The following SCN7A variants were observed in gnomAD, a reference collection of about 807,000 sequenced individuals.
The protein encoded by SCN7A is sodium channel protein type 7 subunit alpha.
Under a neutral mutation model 155.2 loss-of-function variants are expected in SCN7A, and 138 were observed. The observed-to-expected ratio is 0.89, with a 90% CI of 0.77 to 1.02. SCN7A has a LOEUF of 1.02. Ranked by LOEUF, SCN7A falls within the 50% of genes least tolerant of loss-of-function variation. The probability of loss-of-function intolerance (pLI) is 0.00; values close to 1 mark genes in which losing one functional copy is unlikely to be tolerated. For missense variants in SCN7A, 2,058 were observed against 1,986.6 expected, an observed-to-expected ratio of 1.04 and a Z score of -0.68; for synonymous variants, 693 against 649.0, an observed-to-expected ratio of 1.07 and a Z score of -1.03.
intron 1 of SCN7A, among the ~76,000 whole-genome samples, chr2:166,492,213 G>A (rs80276713): frequency 0.01 from 1,568 of 152,170 alleles, 31 homozygotes; most frequent in African/African-American, 0.037. Context: ...CAACGGTCGT[G>A]TGCCATCTGG....
intron 2 of SCN7A, among the ~76,000 whole-genome samples, chr2:166,484,458 C>A (rs1703002076): frequency 6.7e-6 from 1 of 150,014 alleles, no homozygotes; most frequent in Non-Finnish European, 1.5e-5. Context: ...ATAGCTGAAA[C>A]TCAGAGAAAT....
intron 19 of SCN7A, among the ~76,000 whole-genome samples, chr2:166,421,720 A>G (rs1701515529): frequency 6.6e-6 from 1 of 152,086 alleles, no homozygotes; most frequent in South Asian, 2.1e-4. Context: ...ATATACAAAT[A>G]TGGTTAAGAC....
intron 15 of SCN7A, among the ~76,000 whole-genome samples, chr2:166,434,056 A>G (rs958784350): frequency 2.6e-5 from 4 of 152,172 alleles, no homozygotes; most frequent in Admixed American, 1.3e-4. Flanking sequence ...TGTACATAAA[A>G]TAAGTATGTG....
At chr2:166,480,366 G>A (rs1477042562) in intron 2 of SCN7A, among the ~76,000 whole-genome samples, 2 of 151,894 alleles carry the variant, frequency 1.3e-5, no homozygotes, top group Admixed American at 6.5e-5. Context: ...GCTGAGGCAG[G>A]AGAATGGCAT....
At position 166,444,939 on chromosome 2, in the gene SCN7A, C is replaced by G; in HGVS notation, c.1449G>C (p.Leu483Phe). ...ACCAACAGGGAGAACAATTCCAGAT[C>G]AAGAAAGTTTTAGCAAACTTATACC... Reference protein sequence around the residue: ...LYWYKFAKTFLIWNCSPCWLK... With the variant: ...LYWYKFAKTFFIWNCSPCWLK... The change falls in exon 13 of 26, where the codon TTG (leucine) becomes TTC (phenylalanine). Residue 483 changes from leucine to phenylalanine, a missense_variant. Physicochemically the swap from Leu to Phe is conservative, Grantham distance 22. Coordinates refer to ENST00000643258, the MANE Select transcript of SCN7A (RefSeq NM_002976.4). 6.2e-7 allele frequency: 1 copy of G among 1,613,584 alleles called. No individual in the cohort carries two copies. Among genetic ancestry groups the G allele is most frequent in the South Asian group, 1.1e-5 (1 of 91,044 alleles).
In SCN7A at chr2:166,429,162, T is replaced by C. The variant is rs1465528422; in HGVS notation, c.2698+7A>G. 1 of 1,498,908 alleles carries C rather than the reference T, an allele frequency of 6.7e-7. No homozygotes were observed. The highest frequency in any genetic ancestry group is 9.0e-7 in the Non-Finnish European group (1 of 1,116,688). The allele number at this position is 1,498,908 out of a possible 1,614,324, so 92.9% of individuals were successfully genotyped here. A position where few individuals can be genotyped will look rare whatever the true frequency, so the allele number is the denominator to read the frequency against. On this transcript the variant is annotated splice_region_variant and intron_variant, in intron 17 of 25. Coordinates refer to ENST00000643258, the MANE Select transcript of SCN7A (RefSeq NM_002976.4). The stretch of plus-strand genomic sequence containing the variant: ...GTTTCCTAGCAAGATTAACAAAATT[T>C]TCTTACCATTTTTCAGATGCTTTGA...
Position 166,477,639 on chromosome 2 carries a change from G to A in SCN7A, c.58C>T (p.Leu20Phe), listed in dbSNP as rs1020773950. 2.3e-5 allele frequency: 37 copies of A among 1,606,676 alleles called. No homozygotes were observed. Among genetic ancestry groups the A allele is most frequent in the Non-Finnish European group, 3.1e-5 (37 of 1,176,054 alleles). Residue 20 changes from leucine (L) to phenylalanine (F), a missense_variant, in exon 3 of 26, where the codon CTT becomes TTT. Leu to Phe is a conservative substitution (Grantham distance 22). Coordinates refer to ENST00000643258, the MANE Select transcript of SCN7A (RefSeq NM_002976.4). ...LVPFTKESFE[L>F]IKQHIAKTHN... The stretch of plus-strand genomic sequence containing the variant: ...GTTTTAGCAATATGCTGTTTTATAA[G>A]TTCAAAAGACTCTTTAGTGAAGGGA...
At chr2:166,418,778 T>C (rs1156472040) in intron 20 of SCN7A, among the ~76,000 whole-genome samples, 7 of 152,200 alleles carry the variant, frequency 4.6e-5, no homozygotes, top group Non-Finnish European at 1.0e-4. Flanking sequence ...AGAGTGGATA[T>C]AGTTGACACA....
chr2:166,441,437 T>C lies in SCN7A; in HGVS notation c.2116A>G (p.Ile706Val). The change falls in exon 15 of 26, where the codon ATT becomes GTT. Residue 706 changes from isoleucine to valine, a missense_variant. Ile to Val is a conservative substitution (Grantham distance 29). Coordinates refer to ENST00000643258, the MANE Select transcript of SCN7A (RefSeq NM_002976.4). ...CMEVAGQSWC[I>V]PFYLMVILIG... ...AAAATGACCATCAGGTAAAAAGGAATACACCAGGATTGGCCTGCAACCTCC... is the reference window on the plus strand; with the variant it reads ...AAAATGACCATCAGGTAAAAAGGAACACACCAGGATTGGCCTGCAACCTCC... 5 of 1,608,134 alleles carry C rather than the reference T, an allele frequency of 3.1e-6. No individual in the cohort carries two copies. The highest frequency in any genetic ancestry group is 4.2e-6 in the Non-Finnish European group (5 of 1,177,502).
intron 11 of SCN7A, 133 bp downstream of exon 11, chr2:166,456,737 A>T (rs574456256): frequency 6.3e-5 from 26 of 413,738 alleles, no homozygotes; most frequent in Non-Finnish European, 9.4e-5. Flanking sequence ...ACCAGCAATG[A>T]ACTGTCTTAA....
chr2:166,436,745 G>A (rs964067019), intron 15 of SCN7A, among the ~76,000 whole-genome samples: 1 of 152,304 alleles, frequency 6.6e-6, no homozygotes, highest in Admixed American at 6.5e-5. Context: ...TTCAGGCTGA[G>A]GTGGTCTCAG....
At chr2:166,446,806 G>A (rs1325889889) in intron 12 of SCN7A, among the ~76,000 whole-genome samples, 1 of 152,110 alleles carries the variant, frequency 6.6e-6, no homozygotes, top group Admixed American at 6.6e-5. Context: ...ACTCATGGGT[G>A]GGAGTTAGTT....
chr2:166,428,535 C>T (rs1017188132), intron 17 of SCN7A, among the ~76,000 whole-genome samples: 32 of 151,962 alleles, frequency 2.1e-4, no homozygotes, highest in African/African-American at 7.5e-4. Flanking sequence ...GCACTCTGCG[C>T]TCTGGCCAAA....
At chr2:166,442,665 C>T (rs1243517626) in intron 14 of SCN7A, among the ~76,000 whole-genome samples, 1 of 152,116 alleles carries the variant, frequency 6.6e-6, no homozygotes, top group East Asian at 1.9e-4. Flanking sequence ...CTGAACTCAA[C>T]AGTGAGATCT....
chr2:166,452,289 T>A (rs2105455206), intron 11 of SCN7A, among the ~76,000 whole-genome samples: 2 of 152,066 alleles, frequency 1.3e-5, no homozygotes, highest in South Asian at 4.2e-4. Context: ...TCTCTTACAG[T>A]CTCTGAGAAA....
chr2:166,478,756 T>C (rs1702856921), intron 2 of SCN7A, among the ~76,000 whole-genome samples: 1 of 152,074 alleles, frequency 6.6e-6, no homozygotes, highest in Non-Finnish European at 1.5e-5. Flanking sequence ...ATCATCTTTG[T>C]AATTCTATCT....
chr2:166,465,628 C>T, intron 8 of SCN7A, 97 bp from the exon 9 acceptor site: 1 of 1,233,532 alleles, frequency 8.1e-7, no homozygotes, highest in Non-Finnish European at 1.2e-6. Flanking sequence ...AAATACCTTT[C>T]TGCAATTGTG....
chr2:166,451,884 ATTTTTCC>A (rs1364205406), intron 11 of SCN7A, among the ~76,000 whole-genome samples: 1 of 152,070 alleles, frequency 6.6e-6, no homozygotes, highest in Non-Finnish European at 1.5e-5. Context: ...TTAGTGGTCT[ATTTTTCC>A]TTTTTCATTT....
chr2:166,474,037 A>G (rs1702722215), intron 4 of SCN7A, 149 bp from the exon 5 acceptor site: 1 of 524,158 alleles, frequency 1.9e-6, no homozygotes. Context: ...TGTTGTGTAT[A>G]TTAGAAAATA....
Sources: allele counts gnomAD v4.1 joint callset (sites outside exome capture counted in the v4.1 genomes callset), GRCh38; gene constraint gnomAD v4.1.1; transcripts MANE v1.5; gene names NCBI Gene and HGNC (gene_info 2026-07-23, HGNC 2026-07-21).